The following HDAC9 variants were observed in gnomAD, a reference collection of about 807,000 sequenced individuals.
HDAC9 encodes the protein MEF-2 interacting transcription repressor (MITR) protein.
A neutral mutation model predicts 139.4 loss-of-function variants in HDAC9; 41 were observed. That is an observed-to-expected ratio of 0.29 (90% CI 0.23 to 0.38). The LOEUF (loss-of-function observed/expected upper bound fraction) is 0.38, where lower values mean the gene tolerates loss of function less well. Among genes scored for constraint, HDAC9 ranks in the 10% least tolerant of loss-of-function variants. The pLI is 1.00. For synonymous variants in HDAC9, 517 were observed against 476.2 expected (o/e 1.09, Z -1.12); for missense variants, 1,147 against 1,297.0 (o/e 0.88, Z 1.78).
chr7:18,679,673 T>C (rs1781763525), intron 12 of HDAC9, among the ~76,000 whole-genome samples: 1 of 151,846 alleles, frequency 6.6e-6, no homozygotes, highest in African/African-American at 2.4e-5. Context: ...CCGTGTTCTG[T>C]TAATTCAGTT....
intron 2 of HDAC9, among the ~76,000 whole-genome samples, chr7:18,581,504 AG>A (rs1426868973): frequency 6.6e-6 from 1 of 152,118 alleles, no homozygotes; most frequent in Admixed American, 6.6e-5. Context: ...TTTTTAAAAA[AG>A]CTTTTTTAGA....
chr7:18,491,492 G>A (rs931460849), upstream of HDAC9, among the ~76,000 whole-genome samples: 2 of 151,768 alleles, frequency 1.3e-5, no homozygotes, highest in Admixed American at 6.6e-5. Flanking sequence ...TTAAATTTCC[G>A]GATGAAGAAG....
chr7:18,413,243 G>A (rs1788741040), intron 1 of HDAC9, among the ~76,000 whole-genome samples: 1 of 152,136 alleles, frequency 6.6e-6, no homozygotes, highest in Non-Finnish European at 1.5e-5. Flanking sequence ...AGAGCAGAAG[G>A]AAGCCCAGAC....
At chr7:18,418,059 C>A (rs1290890591) in intron 1 of HDAC9, among the ~76,000 whole-genome samples, 1 of 152,168 alleles carries the variant, frequency 6.6e-6, no homozygotes, top group Non-Finnish European at 1.5e-5. Flanking sequence ...TTTGCACAAT[C>A]ATAGAGCTCA....
chr7:18,980,843 A>AGAT (rs1784899329), intron 25 of HDAC9, among the ~76,000 whole-genome samples: 1 of 126,976 alleles, frequency 7.9e-6, no homozygotes, highest in Non-Finnish European at 1.6e-5. Flanking sequence ...TTTTTTTTTG[A>AGAT]GATGGAGTCT....
chr7:18,155,708 C>A (rs879438004), intron 1 of HDAC9, among the ~76,000 whole-genome samples: 1 of 152,072 alleles, frequency 6.6e-6, no homozygotes, highest in Non-Finnish European at 1.5e-5. Context: ...GATGTGTGGC[C>A]TTCTGGGTGA....
chr7:18,696,768 A>T (rs754565516), intron 12 of HDAC9, among the ~76,000 whole-genome samples: 2 of 152,108 alleles, frequency 1.3e-5, no homozygotes, highest in East Asian at 3.9e-4. Flanking sequence ...GTGCCCAGCC[A>T]GTTGTTCTTA....
chr7:18,128,258 A>G (rs1784795293), intron 1 of HDAC9, among the ~76,000 whole-genome samples: 1 of 152,096 alleles, frequency 6.6e-6, no homozygotes, highest in African/African-American at 2.4e-5. Context: ...AGTTACCTTA[A>G]GGACTTTAAC....
chr7:18,246,822 G>T (rs1369808269), intron 2 of HDAC9, among the ~76,000 whole-genome samples: 3 of 152,242 alleles, frequency 2.0e-5, no homozygotes, highest in East Asian at 3.9e-4. Flanking sequence ...TGACTAGGAG[G>T]TTATCAGTGT....
At chr7:18,376,098 C>A (rs947564277) in intron 1 of HDAC9, among the ~76,000 whole-genome samples, 3 of 151,746 alleles carry the variant, frequency 2.0e-5, no homozygotes, top group Admixed American at 6.6e-5. Context: ...AGCCAGAGGG[C>A]AGTTTGGTAA....
At chr7:18,654,691 C>A (rs368063952) in intron 11 of HDAC9, among the ~76,000 whole-genome samples, 32 of 152,108 alleles carry the variant, frequency 2.1e-4, no homozygotes, top group African/African-American at 7.0e-4. Flanking sequence ...GTAGAAAATT[C>A]ACAGTTAAAA....
At chr7:18,729,226 A>C (rs530585665) in intron 13 of HDAC9, among the ~76,000 whole-genome samples, 26 of 152,082 alleles carry the variant, frequency 1.7e-4, no homozygotes, top group African/African-American at 6.3e-4. Flanking sequence ...CAGAAAATAC[A>C]GAGTAACAAC....
intron 1 of HDAC9, among the ~76,000 whole-genome samples, chr7:18,156,183 T>A (rs1562685534): frequency 6.6e-6 from 1 of 152,112 alleles, no homozygotes; most frequent in Non-Finnish European, 1.5e-5. Flanking sequence ...GCTTGTCTAA[T>A]AAAAAGATGG....
chr7:18,793,107 A>G (rs549333789), intron 16 of HDAC9: 38 of 485,550 alleles, frequency 7.8e-5, no homozygotes, highest in Middle Eastern at 5.8e-4. Context: ...TCCATTGGAG[A>G]AGTCAGTGTA....
chr7:18,936,940 A>G (rs907284792), intron 23 of HDAC9, among the ~76,000 whole-genome samples: 2 of 151,804 alleles, frequency 1.3e-5, no homozygotes, highest in African/African-American at 4.8e-5. Context: ...TATTTTTCAT[A>G]TATATTGAAG....
intron 2 of HDAC9, among the ~76,000 whole-genome samples, chr7:18,579,948 G>T (rs1827262729): frequency 6.6e-6 from 1 of 152,138 alleles, no homozygotes; most frequent in African/African-American, 2.4e-5. Context: ...ACATTAAAAT[G>T]GTTGGCATCT....
At chr7:18,981,516 T>C (rs1283842112) in intron 25 of HDAC9, among the ~76,000 whole-genome samples, 1 of 152,178 alleles carries the variant, frequency 6.6e-6, no homozygotes, top group Non-Finnish European at 1.5e-5. Flanking sequence ...GCTGCCTTCA[T>C]TTGTGGAGGC....
chr7:18,329,983 A>ATGTGTGTG (rs35227059), intron 1 of HDAC9, among the ~76,000 whole-genome samples: 80 of 111,884 alleles, frequency 7.2e-4, no homozygotes, highest in Middle Eastern at 4.5e-3. Flanking sequence ...GCTTGTGTGT[A>ATGTGTGTG]TGTGTGTGTG....
chr7:18,461,627 A>G (rs983367207), intron 1 of HDAC9, among the ~76,000 whole-genome samples: 8 of 152,262 alleles, frequency 5.3e-5, no homozygotes, highest in African/African-American at 1.7e-4. Context: ...GTTAAAAACC[A>G]TCATATTTTT....
Sources: gnomAD v4.1 joint callset for allele counts (sites outside exome capture counted in the v4.1 genomes callset) on GRCh38, gnomAD v4.1.1 for gene constraint, MANE v1.5 for transcripts, NCBI Gene and HGNC (gene_info 2026-07-23, HGNC 2026-07-21) for gene names.